Variants in CREBRF observed in about 807,000 individuals in gnomAD.
The protein encoded by CREBRF is CREB3 regulatory factor.
A neutral mutation model predicts 66.1 loss-of-function variants in CREBRF; 5 were observed. The ratio of observed to expected loss-of-function variants is 0.08; its 90% confidence interval spans 0.04 to 0.16. The LOEUF (loss-of-function observed/expected upper bound fraction) is 0.16, where lower values mean the gene tolerates loss of function less well. CREBRF is among the 10% of genes least tolerant of loss of function. CREBRF has a pLI of 1.00. For missense variants in CREBRF, 531 were observed against 744.9 expected (o/e 0.71, Z 3.34); for synonymous variants, 229 against 264.4 (o/e 0.87, Z 1.30).
intron 7 of CREBRF, among the ~76,000 whole-genome samples, chr5:173,113,992 G>A (rs1758928288): frequency 6.6e-6 from 1 of 152,214 alleles, no homozygotes; most frequent in African/African-American, 2.4e-5. Context: ...AAGTGAAACA[G>A]TGTGAACAAT....
At chr5:173,098,324 C>T (rs1478601275) in intron 4 of CREBRF, among the ~76,000 whole-genome samples, 1 of 151,798 alleles carries the variant, frequency 6.6e-6, no homozygotes, top group East Asian at 1.9e-4. Context: ...GTAGCTGGTA[C>T]TACAGGCGCC....
At chr5:173,133,092 T>G (rs1417511303) in intron 8 of CREBRF, among the ~76,000 whole-genome samples, 3 of 152,216 alleles carry the variant, frequency 2.0e-5, no homozygotes, top group African/African-American at 7.2e-5. Context: ...CTCCCACCTT[T>G]CTCCCTCTTC....
chr5:173,085,065 C>T (rs1377782127), intron 2 of CREBRF, among the ~76,000 whole-genome samples: 1 of 152,082 alleles, frequency 6.6e-6, no homozygotes, highest in Non-Finnish European at 1.5e-5. Context: ...GCCTCAGCCT[C>T]CTGAATATAT....
At chr5:173,060,506 C>T (rs997478698) in intron 1 of CREBRF, 1 of 152,106 alleles carries the variant, frequency 6.6e-6, no homozygotes, top group African/African-American at 2.4e-5. Flanking sequence ...GCTGGGATTA[C>T]AGGTATGAGC....
At chr5:173,124,878 C>T (rs995387042) in intron 8 of CREBRF, among the ~76,000 whole-genome samples, 2 of 148,348 alleles carry the variant, frequency 1.3e-5, no homozygotes, top group African/African-American at 2.5e-5. Flanking sequence ...TTTCTTTTCT[C>T]TTTTCTTCTT....
At chr5:173,098,187 T>G (rs1425116374) in intron 4 of CREBRF, among the ~76,000 whole-genome samples, 1 of 151,144 alleles carries the variant, frequency 6.6e-6, no homozygotes, top group Non-Finnish European at 1.5e-5. Flanking sequence ...CCAATTTTCC[T>G]TCTTTTTTTT....
intron 8 of CREBRF, among the ~76,000 whole-genome samples, chr5:173,127,282 C>T (rs1178677664): frequency 6.7e-6 from 1 of 150,158 alleles, no homozygotes; most frequent in Non-Finnish European, 1.5e-5. Context: ...TATGCCTCAG[C>T]CTTCTGAGTA....
At chr5:173,126,068 C>T (rs1283721452) in intron 8 of CREBRF, among the ~76,000 whole-genome samples, 1 of 152,108 alleles carries the variant, frequency 6.6e-6, no homozygotes, top group Non-Finnish European at 1.5e-5. Flanking sequence ...TGCTTCCCTC[C>T]CTCATTTTAT....
At chr5:173,064,559 A>ATTTTTT (rs1217486982) in intron 1 of CREBRF, among the ~76,000 whole-genome samples, 6 of 107,646 alleles carry the variant, frequency 5.6e-5, no homozygotes, top group Non-Finnish European at 9.3e-5. Flanking sequence ...CACCTGGTTA[A>ATTTTTT]TTTTTTTTTT....
At chr5:173,113,372 G>C (rs893155375) in intron 7 of CREBRF, among the ~76,000 whole-genome samples, 1 of 151,428 alleles carries the variant, frequency 6.6e-6, no homozygotes, top group Non-Finnish European at 1.5e-5. Flanking sequence ...GCAGTGGCAC[G>C]ATCTCGGCTC....
intron 4 of CREBRF, among the ~76,000 whole-genome samples, chr5:173,105,719 C>T (rs1758732698): frequency 6.6e-6 from 1 of 152,048 alleles, no homozygotes; most frequent in Non-Finnish European, 1.5e-5. Flanking sequence ...CCACCTCAGC[C>T]TCCCAAAGTG....
At chr5:173,076,613 C>T (rs908689868) in intron 1 of CREBRF, among the ~76,000 whole-genome samples, 1 of 152,004 alleles carries the variant, frequency 6.6e-6, no homozygotes, top group Non-Finnish European at 1.5e-5. Flanking sequence ...ATTAGCCAGG[C>T]GTGGTGGTGC....
chr5:173,094,275 G>A (rs968223198), intron 4 of CREBRF, among the ~76,000 whole-genome samples: 4 of 152,134 alleles, frequency 2.6e-5, no homozygotes, highest in Non-Finnish European at 5.9e-5. Flanking sequence ...CAAGATACTG[G>A]CTTTATTTAT....
intron 7 of CREBRF, among the ~76,000 whole-genome samples, chr5:173,120,797 G>A (rs572765109): frequency 6.7e-5 from 9 of 134,178 alleles, no homozygotes; most frequent in South Asian, 2.5e-4. Flanking sequence ...AGCTTCAAGC[G>A]ATTTTCTTGC....
intron 4 of CREBRF, among the ~76,000 whole-genome samples, chr5:173,094,682 C>G (rs1470632990): frequency 6.6e-6 from 1 of 152,088 alleles, no homozygotes; most frequent in Admixed American, 6.6e-5. Context: ...GATATTAACT[C>G]CTTATCAGAT....
At chr5:173,128,566 A>G (rs1365711155) in intron 8 of CREBRF, among the ~76,000 whole-genome samples, 1 of 151,746 alleles carries the variant, frequency 6.6e-6, no homozygotes, top group Non-Finnish European at 1.5e-5. Context: ...TCTGAATGTC[A>G]GGATGTTTGA....
intron 4 of CREBRF, among the ~76,000 whole-genome samples, chr5:173,095,462 T>TAC (rs1758456211): frequency 6.6e-6 from 1 of 152,122 alleles, no homozygotes; most frequent in Admixed American, 6.6e-5. Flanking sequence ...GTGCTGGGAT[T>TAC]ACAGGCATGA....
At chr5:173,066,929 C>T (rs75375997) in intron 1 of CREBRF, among the ~76,000 whole-genome samples, 11 of 149,372 alleles carry the variant, frequency 7.4e-5, no homozygotes, top group African/African-American at 2.7e-4. Context: ...ATCCTCCTTC[C>T]TCAGCCTCAC....
rs1758332507 is a variant in CREBRF, at chr5:173,091,299, G to A, written c.1120G>A (p.Gly374Ser). The A allele has an allele frequency of 1.2e-6, 2 of 1,613,194 alleles. No individual in the cohort carries two copies. The highest frequency in any genetic ancestry group is 1.7e-6 in the Non-Finnish European group (2 of 1,179,594). ...TGATGAGGACCATGATGAAGGATTC[G>A]GCAGTGAGCATGAACTGTCTGAAAA... Reference protein sequence around the residue: ...VDDEDHDEGFGSEHELSENEE... With the variant: ...VDDEDHDEGFSSEHELSENEE... Residue 374 changes from glycine to serine, a missense_variant, in exon 4 of 9, where the codon GGC becomes AGC. Around this residue, in one of 5 missense-constraint regions of CREBRF, gnomAD observed 309 missense variants for 341.4 expected, o/e 0.90. Transcript: ENST00000296953.
Sources: allele counts gnomAD v4.1 joint callset (sites outside exome capture counted in the v4.1 genomes callset), GRCh38; gene constraint gnomAD v4.1.1; regional missense constraint gnomAD v4.1.1; transcripts MANE v1.5; gene names NCBI Gene and HGNC (gene_info 2026-07-23, HGNC 2026-07-21).